LRMDA: variants seen among roughly 807,000 people sequenced by gnomAD.
The protein encoded by LRMDA is leucine rich melanocyte differentiation associated.
A neutral mutation model predicts 29.8 loss-of-function variants in LRMDA; 18 were observed. The ratio of observed to expected loss-of-function variants is 0.60; its 90% confidence interval spans 0.42 to 0.90. LRMDA has a LOEUF of 0.90. Among genes scored for constraint, LRMDA ranks in the 40% least tolerant of loss-of-function variants. The probability of loss-of-function intolerance (pLI) is 0.00; values close to 1 mark genes in which losing one functional copy is unlikely to be tolerated. For missense variants in LRMDA, 273 were observed against 273.9 expected, an observed-to-expected ratio of 1.00 and a Z score of 0.02; for synonymous variants, 125 against 109.4, an observed-to-expected ratio of 1.14 and a Z score of -0.89.
chr10:76,555,906 T>A (rs1017694067), intron 6 of LRMDA, among the ~76,000 whole-genome samples: 1 of 152,216 alleles, frequency 6.6e-6, no homozygotes, highest in African/African-American at 2.4e-5. Flanking sequence ...GACATTTCCT[T>A]TCTTTGTTTT....
Position 75,866,218 on chromosome 10 carries a change from T to C in LRMDA, c.132-169790T>C, listed in dbSNP as rs146280469. On this transcript the variant is annotated intron_variant, in intron 2 of 6. Coordinates refer to ENST00000611255, the MANE Select transcript of LRMDA (RefSeq NM_001305581.2). ...AAGGCTAGAGAGGGAGATTTTGCTT[T>C]TCTGCAGCCAGTGGCCACCCATGGC... Among the ~76,000 whole-genome samples the C allele has an allele frequency of 2.6e-3, 391 of 152,354 alleles. 1 individual carries two copies. The highest frequency in any genetic ancestry group is 9.0e-3 in the African/African-American group (376 of 41,588).
chr10:75,527,713 AT>A (rs1845429378), intron 2 of LRMDA, among the ~76,000 whole-genome samples: 1 of 147,506 alleles, frequency 6.8e-6, no homozygotes, highest in African/African-American at 2.5e-5. Context: ...GTTATATAAT[AT>A]ATTAATATAA....
chr10:76,178,157 G>A (rs148256633), intron 5 of LRMDA, among the ~76,000 whole-genome samples: 101 of 152,274 alleles, frequency 6.6e-4, no homozygotes, highest in African/African-American at 2.4e-3. Context: ...TGGCCCTTGC[G>A]ATACCCTGTG....
chr10:75,669,096 C>G (rs1841860365), intron 2 of LRMDA, among the ~76,000 whole-genome samples: 1 of 152,216 alleles, frequency 6.6e-6, no homozygotes, highest in African/African-American at 2.4e-5. Flanking sequence ...ATTTTCCTCT[C>G]TACCATATTT....
intron 2 of LRMDA, among the ~76,000 whole-genome samples, chr10:76,005,043 A>G (rs564956663): frequency 6.6e-6 from 1 of 152,160 alleles, no homozygotes; most frequent in East Asian, 1.9e-4. Flanking sequence ...TTTTTACTTT[A>G]TTAGTGTCTA....
intron 2 of LRMDA, among the ~76,000 whole-genome samples, chr10:75,517,690 A>G (rs1004814091): frequency 2.6e-5 from 4 of 152,082 alleles, no homozygotes; most frequent in African/African-American, 9.7e-5. Flanking sequence ...AATACTCTTT[A>G]TTTCTTTCTC....
chr10:76,008,796 T>C (rs1308815443), intron 2 of LRMDA, among the ~76,000 whole-genome samples: 1 of 152,262 alleles, frequency 6.6e-6, no homozygotes, highest in Non-Finnish European at 1.5e-5. Context: ...TGAGCCTGTG[T>C]TTTCCTTAAA....
chr10:75,870,268 A>G (rs1431814044), intron 2 of LRMDA, among the ~76,000 whole-genome samples: 1 of 152,262 alleles, frequency 6.6e-6, no homozygotes, highest in African/African-American at 2.4e-5. Context: ...ATTGCCTGTG[A>G]CTGCTTTGGC....
chr10:76,534,003 G>A lies in LRMDA; in HGVS notation c.602-23206G>A, dbSNP rs1172589165. On this transcript the variant is annotated intron_variant, in intron 6 of 6. Transcript: ENST00000611255. ...GAATCTAGTGGGATGCTCATTCATT[G>A]ACCTATGAATACGTACTGTGTTATG... Among the ~76,000 whole-genome samples the A allele has an allele frequency of 2.6e-5, 4 of 152,244 alleles. No individual in the cohort carries two copies. In the East Asian group the frequency reaches 7.7e-4, roughly 29 times the overall value.
At chr10:75,564,415 A>G (rs565884984) in intron 2 of LRMDA, among the ~76,000 whole-genome samples, 6 of 152,202 alleles carry the variant, frequency 3.9e-5, no homozygotes, top group Admixed American at 3.9e-4. Context: ...GGAGTGACCC[A>G]ATTTTCCAGG....
chr10:75,775,054 A>G (rs4745795), intron 2 of LRMDA, among the ~76,000 whole-genome samples: 59,329 of 152,170 alleles, frequency 0.39, 13,620 homozygotes, highest in South Asian at 0.54. Flanking sequence ...CCAACTGGCC[A>G]TTAACTTTTC....
chr10:75,979,777 T>C (rs1847133757), intron 2 of LRMDA, among the ~76,000 whole-genome samples: 1 of 152,086 alleles, frequency 6.6e-6, no homozygotes, highest in Non-Finnish European at 1.5e-5. Context: ...GTGCCAGCTG[T>C]TTCCCAGGTC....
intron 2 of LRMDA, among the ~76,000 whole-genome samples, chr10:75,498,450 G>A (rs1423422369): frequency 6.6e-6 from 1 of 152,186 alleles, no homozygotes; most frequent in Non-Finnish European, 1.5e-5. Context: ...GGAGCGACGT[G>A]TGTGTGTGCA....
At chr10:76,257,603 G>C (rs1852620652) in intron 5 of LRMDA, among the ~76,000 whole-genome samples, 1 of 151,860 alleles carries the variant, frequency 6.6e-6, no homozygotes, top group South Asian at 2.1e-4. Flanking sequence ...CAAAGTGCTG[G>C]GATTACAGGT....
rs140151876 is a variant in LRMDA, at chr10:75,818,438, C to G, written c.132-217570C>G. 6.0e-3 allele frequency among the ~76,000 whole-genome samples: 920 copies of G among 152,328 alleles called. 3 individuals are homozygous for G. The highest frequency in any genetic ancestry group is 0.023 in the East Asian group (119 of 5,178). ...TTTTCCAGGTAGATCATGTCATTCT[C>G]ACTTACTGATGAGGAGACTGAGTGG... On this transcript the variant is annotated intron_variant, in intron 2 of 6. Transcript: ENST00000611255.
intron 6 of LRMDA, among the ~76,000 whole-genome samples, chr10:76,515,789 G>A (rs1438416096): frequency 6.6e-6 from 1 of 152,124 alleles, no homozygotes; most frequent in East Asian, 1.9e-4. Flanking sequence ...CAGCCGTGAG[G>A]CACCATGCCC....
At chr10:76,021,749 C>T (rs771860917) in intron 2 of LRMDA, among the ~76,000 whole-genome samples, 23 of 152,156 alleles carry the variant, frequency 1.5e-4, no homozygotes, top group Non-Finnish European at 3.2e-4. Context: ...CACTTACACC[C>T]AGAGAGAGAA....
At chr10:75,701,245 A>G (rs184339770) in intron 2 of LRMDA, among the ~76,000 whole-genome samples, 9 of 152,346 alleles carry the variant, frequency 5.9e-5, no homozygotes, top group Admixed American at 5.9e-4. Context: ...CCATACCACA[A>G]TAGAATATTT....
intron 2 of LRMDA, among the ~76,000 whole-genome samples, chr10:75,823,688 GT>G (rs1844202598): frequency 7.5e-5 from 1 of 13,370 alleles, no homozygotes; most frequent in African/African-American, 1.5e-4. Context: ...AAAATGTAGT[GT>G]GTGTGTGTGT....
Sources: gnomAD v4.1 joint callset for allele counts (sites outside exome capture counted in the v4.1 genomes callset) on GRCh38, gnomAD v4.1.1 for gene constraint, MANE v1.5 for transcripts, NCBI Gene and HGNC (gene_info 2026-07-23, HGNC 2026-07-21) for gene names.